The following DIAPH3 variants were observed in gnomAD, a reference collection of about 807,000 sequenced individuals.
The protein encoded by DIAPH3 is diaphanous related formin 3.
DIAPH3 carries 117 observed loss-of-function variants against 144.3 expected under a neutral mutation model. That is an observed-to-expected ratio of 0.81 (90% CI 0.70 to 0.95). The LOEUF is 0.95. Among genes scored for constraint, DIAPH3 ranks in the 40% least tolerant of loss-of-function variants. The pLI, the probability that DIAPH3 is intolerant of heterozygous loss-of-function variation, is 0.00. For synonymous variants in DIAPH3, 519 were observed against 488.9 expected (o/e 1.06, Z -0.81); for missense variants, 1,421 against 1,412.7 (o/e 1.01, Z -0.09).
intron 4 of DIAPH3, among the ~76,000 whole-genome samples, chr13:60,071,062 C>T (rs2057188460): frequency 6.6e-6 from 1 of 152,142 alleles, no homozygotes; most frequent in South Asian, 2.1e-4. Context: ...ATTCTCACTT[C>T]CACTCACCCA....
chr13:60,157,355 T>C (rs145844230), intron 1 of DIAPH3, among the ~76,000 whole-genome samples: 99 of 152,340 alleles, frequency 6.5e-4, no homozygotes, highest in Middle Eastern at 3.4e-3. Context: ...ACATCCTGAC[T>C]ATGGCCAAAG....
intron 27 of DIAPH3, among the ~76,000 whole-genome samples, chr13:59,745,990 C>G (rs1252936868): frequency 6.6e-6 from 1 of 152,092 alleles, no homozygotes; most frequent in Non-Finnish European, 1.5e-5. Flanking sequence ...TTTTTGCACT[C>G]TCAGGGTGTT....
In DIAPH3 at chr13:59,991,201, T is replaced by C. The variant is rs748882816; in HGVS notation, c.1318A>G (p.Ile440Val). ...CGAATCAGCAAAAGATGCTGAAGAA[T>C]AGAAATAAAATATCCCTCTGCTCTA... ...ETRAEGYFIS[I>V]LQHLLLIRND... The change falls in exon 12 of 28, where the codon ATT becomes GTT. Residue 440 changes from isoleucine to valine, a missense_variant. Transcript: ENST00000400324. 21 of 1,611,084 alleles carry C rather than the reference T, an allele frequency of 1.3e-5. No individual in the cohort carries two copies. The Admixed American group carries it at 1.8e-4, about 14-fold the overall frequency.
At chr13:59,696,862 C>T (rs1315388503) in intron 27 of DIAPH3, among the ~76,000 whole-genome samples, 1 of 151,906 alleles carries the variant, frequency 6.6e-6, no homozygotes, top group African/African-American at 2.4e-5. Flanking sequence ...CTTCTGCTTG[C>T]AGAAAGAAAG....
At chr13:59,952,258 G>A (rs1426964164) in intron 17 of DIAPH3, among the ~76,000 whole-genome samples, 1 of 152,088 alleles carries the variant, frequency 6.6e-6, no homozygotes, top group Admixed American at 6.6e-5. Context: ...TGAATAATGG[G>A]GAGAGACTGC....
intron 15 of DIAPH3, among the ~76,000 whole-genome samples, chr13:59,971,807 C>A (rs146781298): frequency 6.6e-6 from 1 of 152,120 alleles, no homozygotes; most frequent in African/African-American, 2.4e-5. Context: ...ATGTGCCAAC[C>A]TCATGCTAAT....
intron 27 of DIAPH3, among the ~76,000 whole-genome samples, chr13:59,748,885 G>A (rs1227326989): frequency 6.6e-6 from 1 of 152,092 alleles, no homozygotes; most frequent in Non-Finnish European, 1.5e-5. Flanking sequence ...TGACATTTTA[G>A]AGCTCTTTCA....
At chr13:59,967,070 T>G (rs2050089109) in intron 17 of DIAPH3, among the ~76,000 whole-genome samples, 1 of 151,912 alleles carries the variant, frequency 6.6e-6, no homozygotes, top group African/African-American at 2.4e-5. Context: ...TTTTTTTGTT[T>G]TTTTGTGTTT....
At chr13:59,774,115 G>C in intron 27 of DIAPH3, 74 bp downstream of exon 27, 2 of 1,409,114 alleles carry the variant, frequency 1.4e-6, no homozygotes, top group South Asian at 2.5e-5. Context: ...TTTCACAGCA[G>C]TCTACTAAAA....
Position 59,840,411 on chromosome 13 carries a change from G to C in DIAPH3, c.2738-963C>G, listed in dbSNP as rs1175855957. Reference sequence around the variant, plus strand: ...GTGCAATTCAAGTTTTATCTATAAGGATAGGAATATCCTTGGAAGCAATCT... The same window carrying C: ...GTGCAATTCAAGTTTTATCTATAAGCATAGGAATATCCTTGGAAGCAATCT... On this transcript the variant is annotated intron_variant, in intron 22 of 27. Transcript: ENST00000400324. Among the ~76,000 whole-genome samples the C allele has an allele frequency of 2.0e-5, 3 of 151,840 alleles. No homozygotes were observed. The East Asian group carries it at 5.8e-4, about 29-fold the overall frequency.
At chr13:59,907,652 A>G (rs1392406203) in intron 20 of DIAPH3, among the ~76,000 whole-genome samples, 1 of 152,202 alleles carries the variant, frequency 6.6e-6, no homozygotes, top group Non-Finnish European at 1.5e-5. Context: ...TCAGCTCTAG[A>G]ACACCTTGAG....
intron 25 of DIAPH3, among the ~76,000 whole-genome samples, chr13:59,789,580 G>A (rs967845809): frequency 1.3e-5 from 2 of 152,226 alleles, no homozygotes; most frequent in African/African-American, 4.8e-5. Flanking sequence ...TAATTTCACA[G>A]GAATTTTCTT....
At chr13:59,874,549 C>T (rs941864921) in intron 21 of DIAPH3, among the ~76,000 whole-genome samples, 8 of 152,150 alleles carry the variant, frequency 5.3e-5, no homozygotes, top group African/African-American at 1.9e-4. Context: ...AGCACCTACT[C>T]CTCAACGCCC....
intron 27 of DIAPH3, among the ~76,000 whole-genome samples, chr13:59,728,973 A>ACC (rs1418825579): frequency 1.0e-3 from 156 of 152,296 alleles, no homozygotes; most frequent in African/African-American, 3.7e-3. Flanking sequence ...GTGCACCACG[A>ACC]AGCCTCCTAG....
chr13:60,083,000 A>G (rs2057612525), intron 4 of DIAPH3, among the ~76,000 whole-genome samples: 2 of 152,096 alleles, frequency 1.3e-5, no homozygotes, highest in Admixed American at 6.6e-5. Flanking sequence ...ATTAAACAAA[A>G]AGAACAGTAA....
intron 20 of DIAPH3, among the ~76,000 whole-genome samples, chr13:59,902,571 C>T (rs989599234): frequency 1.3e-5 from 2 of 152,086 alleles, no homozygotes; most frequent in Non-Finnish European, 2.9e-5. Context: ...GTCAGGAGTT[C>T]AAGACAAGCC....
At chr13:59,850,331 G>C (rs1278614518) in intron 22 of DIAPH3, among the ~76,000 whole-genome samples, 203 of 150,082 alleles carry the variant, frequency 1.4e-3, no homozygotes, top group African/African-American at 4.7e-3. Context: ...TGCCTGATTG[G>C]CCTGGCCAGA....
At position 60,010,651 on chromosome 13, in the gene DIAPH3, T is replaced by C. The variant is rs1489689678; in HGVS notation, c.790A>G (p.Met264Val). 4 of 1,613,532 alleles carry C rather than the reference T, an allele frequency of 2.5e-6. No individual in the cohort carries two copies. The highest frequency in any genetic ancestry group is 3.4e-6 in the Non-Finnish European group (4 of 1,179,738). ...AAGGAAAGGCTCCTCTCCTCACTCA[T>C]AATTCTTTCCAAGCCATACTATAAT... ...MNTQYGLERI[M>V]SEERSLSLLA... Residue 264 changes from methionine (M) to valine (V), a missense_variant, in exon 8 of 28, where the codon ATG becomes GTG. Coordinates refer to ENST00000400324, the MANE Select transcript of DIAPH3 (RefSeq NM_001042517.2).
intron 27 of DIAPH3, among the ~76,000 whole-genome samples, chr13:59,680,563 GTCTTT>G (rs1476048961): frequency 6.7e-6 from 1 of 148,912 alleles, no homozygotes; most frequent in Non-Finnish European, 1.5e-5. Context: ...TCTTTCCTTA[GTCTTT>G]TTTTTTTTTT....
Sources: allele counts gnomAD v4.1 joint callset (sites outside exome capture counted in the v4.1 genomes callset), GRCh38; gene constraint gnomAD v4.1.1; transcripts MANE v1.5; gene names NCBI Gene and HGNC (gene_info 2026-07-23, HGNC 2026-07-21).